The following SLC24A3 variants were observed in gnomAD, a reference collection of about 807,000 sequenced individuals.
SLC24A3 encodes the protein solute carrier family 24 member 3.
Under a neutral mutation model 75.8 loss-of-function variants are expected in SLC24A3, and 28 were observed. That is an observed-to-expected ratio of 0.37 (90% CI 0.27 to 0.51). SLC24A3 has a LOEUF of 0.51. Ranked by LOEUF, SLC24A3 falls within the 20% of genes least tolerant of loss-of-function variation. The pLI, the probability that SLC24A3 is intolerant of heterozygous loss-of-function variation, is 0.94. For missense variants in SLC24A3, 663 were observed against 847.8 expected, an observed-to-expected ratio of 0.78 and a Z score of 2.71; for synonymous variants, 372 against 334.1, an observed-to-expected ratio of 1.11 and a Z score of -1.24.
At chr20:19,488,274 C>T (rs997875842) in intron 2 of SLC24A3, among the ~76,000 whole-genome samples, 1 of 152,234 alleles carries the variant, frequency 6.6e-6, no homozygotes, top group African/African-American at 2.4e-5. Flanking sequence ...ACTTGGCCCT[C>T]TCATCCCAGC....
intron 3 of SLC24A3, among the ~76,000 whole-genome samples, chr20:19,577,729 T>A (rs574857463): frequency 6.6e-6 from 1 of 152,252 alleles, no homozygotes; most frequent in Non-Finnish European, 1.5e-5. Flanking sequence ...GACATTGTAA[T>A]GCTGTTTTTC....
At chr20:19,302,759 T>C (rs989737916) in intron 2 of SLC24A3, among the ~76,000 whole-genome samples, 1 of 152,254 alleles carries the variant, frequency 6.6e-6, no homozygotes, top group Non-Finnish European at 1.5e-5. Context: ...TTTTGAGATC[T>C]ATGTGTATAC....
At chr20:19,621,623 A>G (rs184535069) in intron 6 of SLC24A3, among the ~76,000 whole-genome samples, 56 of 152,248 alleles carry the variant, frequency 3.7e-4, no homozygotes, top group Non-Finnish European at 4.9e-4. Context: ...TATCATGCAC[A>G]TGGATCACTG....
intron 6 of SLC24A3, among the ~76,000 whole-genome samples, chr20:19,590,584 G>A (rs958580639): frequency 6.6e-6 from 1 of 152,210 alleles, no homozygotes; most frequent in Non-Finnish European, 1.5e-5. Context: ...GAGGGCAGGT[G>A]TGGCAGAAGG....
chr20:19,333,778 G>A lies in SLC24A3; in HGVS notation c.271+52691G>A, dbSNP rs751040050. On this transcript the variant is annotated intron_variant, in intron 2 of 16. Coordinates refer to ENST00000328041, the MANE Select transcript of SLC24A3 (RefSeq NM_020689.4). ...GGGGAAGGAGCGACATTAGTATAACGATTGCATATTCTGTTGCCTAGCCTC... is the reference window on the plus strand; with the variant it reads ...GGGGAAGGAGCGACATTAGTATAACAATTGCATATTCTGTTGCCTAGCCTC... Among the ~76,000 whole-genome samples, 51 of 151,970 alleles carry A rather than the reference G, an allele frequency of 3.4e-4. 1 individual carries two copies. Among genetic ancestry groups the A allele is most frequent in the Admixed American group, 2.6e-3 (39 of 15,246 alleles).
intron 3 of SLC24A3, among the ~76,000 whole-genome samples, chr20:19,541,482 T>C (rs1477553575): frequency 1.3e-5 from 2 of 152,252 alleles, no homozygotes; most frequent in Non-Finnish European, 2.9e-5. Flanking sequence ...CATTAAGTGC[T>C]GTCCCTCAGT....
chr20:19,474,450 C>T (rs1987927929), intron 2 of SLC24A3, among the ~76,000 whole-genome samples: 1 of 152,128 alleles, frequency 6.6e-6, no homozygotes, highest in East Asian at 1.9e-4. Context: ...TTTGGCAATA[C>T]ATTAAAAGAA....
At chr20:19,307,388 G>C (rs948526010) in intron 2 of SLC24A3, among the ~76,000 whole-genome samples, 8 of 152,158 alleles carry the variant, frequency 5.3e-5, no homozygotes, top group African/African-American at 1.9e-4. Flanking sequence ...GATTTTATCT[G>C]TTAAGAGTGA....
chr20:19,693,218 A>T (rs1600343995), intron 12 of SLC24A3, 41 bp from the exon 13 acceptor site: 12 of 1,464,918 alleles, frequency 8.2e-6, no homozygotes, highest in East Asian at 2.4e-5. Flanking sequence ...GTTCTTTGTT[A>T]TTTTTTTTTT....
At chr20:19,360,928 G>A (rs564363475) in intron 2 of SLC24A3, among the ~76,000 whole-genome samples, 2 of 151,984 alleles carry the variant, frequency 1.3e-5, no homozygotes, top group African/African-American at 2.4e-5. Context: ...CAGGGTTCAC[G>A]CCGTTCTCCT....
chr20:19,227,220 G>A (rs957332068), intron 1 of SLC24A3, among the ~76,000 whole-genome samples: 5 of 152,170 alleles, frequency 3.3e-5, no homozygotes, highest in Non-Finnish European at 7.4e-5. Context: ...TACCGAGCAG[G>A]TTCAACGTTT....
At chr20:19,367,068 T>A (rs1985905264) in intron 2 of SLC24A3, among the ~76,000 whole-genome samples, 1 of 152,254 alleles carries the variant, frequency 6.6e-6, no homozygotes, top group Non-Finnish European at 1.5e-5. Flanking sequence ...CCAATGTGTG[T>A]ACTGAGCACT....
intron 2 of SLC24A3, among the ~76,000 whole-genome samples, chr20:19,357,378 G>A (rs1985706960): frequency 6.6e-6 from 1 of 152,158 alleles, no homozygotes; most frequent in Admixed American, 6.5e-5. Flanking sequence ...CGGAAGCCTA[G>A]GAAGCAAATT....
At chr20:19,675,451 G>A (rs1349780426) in intron 9 of SLC24A3, among the ~76,000 whole-genome samples, 5 of 152,222 alleles carry the variant, frequency 3.3e-5, no homozygotes, top group African/African-American at 1.2e-4. Context: ...AATCAACACG[G>A]ACATTGGCAA....
chr20:19,621,025 C>A (rs975196393), intron 6 of SLC24A3, among the ~76,000 whole-genome samples: 2 of 152,166 alleles, frequency 1.3e-5, no homozygotes, highest in African/African-American at 4.8e-5. Flanking sequence ...GTGAAAGGTG[C>A]CTTAAGATCA....
At chr20:19,707,932 G>T (rs756251409) in intron 15 of SLC24A3, among the ~76,000 whole-genome samples, 2 of 152,172 alleles carry the variant, frequency 1.3e-5, no homozygotes, top group African/African-American at 2.4e-5. Flanking sequence ...ATATGAATTC[G>T]GGAGTCAAGA....
At chr20:19,452,492 G>T (rs1456548333) in intron 2 of SLC24A3, among the ~76,000 whole-genome samples, 1 of 151,214 alleles carries the variant, frequency 6.6e-6, no homozygotes, top group Admixed American at 6.6e-5. Flanking sequence ...GAGTGATGGG[G>T]TACACTGGGA....
intron 15 of SLC24A3, among the ~76,000 whole-genome samples, chr20:19,700,096 C>T (rs1027358848): frequency 6.6e-6 from 1 of 152,156 alleles, no homozygotes; most frequent in African/African-American, 2.4e-5. Context: ...AATAACCAGG[C>T]CTGCTGTGTC....
chr20:19,680,454 C>G (rs1053984716), intron 9 of SLC24A3, among the ~76,000 whole-genome samples: 2 of 152,096 alleles, frequency 1.3e-5, no homozygotes, highest in African/African-American at 4.8e-5. Flanking sequence ...CGTCAGCATT[C>G]AGGTTCCATC....
Sources: gnomAD v4.1 joint callset for allele counts (sites outside exome capture counted in the v4.1 genomes callset) on GRCh38, gnomAD v4.1.1 for gene constraint, MANE v1.5 for transcripts, NCBI Gene and HGNC (gene_info 2026-07-23, HGNC 2026-07-21) for gene names.